The following DTNB variants were observed in gnomAD, a reference collection of about 807,000 sequenced individuals.
DTNB encodes the protein dystrobrevin beta.
Under a neutral mutation model 90.7 loss-of-function variants are expected in DTNB, and 63 were observed. The ratio of observed to expected loss-of-function variants is 0.69; its 90% confidence interval spans 0.57 to 0.86. The LOEUF (loss-of-function observed/expected upper bound fraction) is 0.86, where lower values mean the gene tolerates loss of function less well. Among genes scored for constraint, DTNB ranks in the 40% least tolerant of loss-of-function variants. DTNB has a pLI of 0.00. For synonymous variants in DTNB, 277 were observed against 286.7 expected (o/e 0.97, Z 0.34); for missense variants, 744 against 807.1 (o/e 0.92, Z 0.95).
intron 18 of DTNB, among the ~76,000 whole-genome samples, chr2:25,386,674 A>C (rs191996052): frequency 4.6e-5 from 7 of 152,310 alleles, no homozygotes; most frequent in Non-Finnish European, 1.0e-4. Flanking sequence ...GCCACGAGGT[A>C]AAGGTCTTTG....
chr2:25,385,805 C>T (rs2039314183), intron 18 of DTNB, among the ~76,000 whole-genome samples: 1 of 152,190 alleles, frequency 6.6e-6, no homozygotes. Flanking sequence ...TTTTGTGAAG[C>T]TATTTGGTCT....
At position 25,556,841 on chromosome 2, in the gene DTNB, A is replaced by G. The variant is rs867067357; in HGVS notation, c.876+19997T>C. On this transcript the variant is annotated intron_variant, in intron 8 of 20. Coordinates refer to ENST00000406818, the MANE Select transcript of DTNB (RefSeq NM_021907.5). ...CTAGAATCGCAGATTCAAAAACATA[A>G]AACTAAGAAAATATAGTGTATTAGG... 7.2e-5 allele frequency among the ~76,000 whole-genome samples: 11 copies of G among 152,312 alleles called. No homozygotes were observed. In the South Asian group the frequency reaches 2.1e-3, roughly 29 times the overall value.
chr2:25,574,205 T>C (rs1260674112), intron 8 of DTNB, among the ~76,000 whole-genome samples: 1 of 152,196 alleles, frequency 6.6e-6, no homozygotes, highest in Non-Finnish European at 1.5e-5. Context: ...TTCACACTCA[T>C]TAAAACTTAA....
intron 20 of DTNB, among the ~76,000 whole-genome samples, chr2:25,378,579 G>T (rs1446614867): frequency 2.0e-5 from 3 of 152,106 alleles, no homozygotes; most frequent in Admixed American, 2.0e-4. Flanking sequence ...AGAGGTGGGG[G>T]GGTGGGAGGA....
intron 8 of DTNB, among the ~76,000 whole-genome samples, chr2:25,532,401 TA>T (rs2078407477): frequency 6.6e-6 from 1 of 152,168 alleles, no homozygotes; most frequent in Non-Finnish European, 1.5e-5. Flanking sequence ...CATTTGATAT[TA>T]GGGGTCTGGT....
At chr2:25,457,309 C>T (rs530821649) in intron 10 of DTNB, among the ~76,000 whole-genome samples, 2 of 152,234 alleles carry the variant, frequency 1.3e-5, no homozygotes, top group South Asian at 4.2e-4. Context: ...TGTGCCTGGC[C>T]CTGTAGTTTT....
chr2:25,666,963 T>C (rs1046246431), intron 1 of DTNB, among the ~76,000 whole-genome samples: 3 of 151,974 alleles, frequency 2.0e-5, no homozygotes, highest in African/African-American at 4.8e-5. Context: ...AGTGGGAAGA[T>C]ATAAACAGCC....
chr2:25,561,449 C>A (rs376040074), intron 8 of DTNB, among the ~76,000 whole-genome samples: 14 of 152,260 alleles, frequency 9.2e-5, no homozygotes, highest in South Asian at 8.3e-4. Flanking sequence ...GAAAGGCTTT[C>A]CCTAGCCATC....
intron 16 of DTNB, among the ~76,000 whole-genome samples, chr2:25,392,911 C>T (rs1016327807): frequency 6.6e-6 from 1 of 152,092 alleles, no homozygotes; most frequent in Admixed American, 6.5e-5. Context: ...CAGTATAACC[C>T]TAATACCAAA....
chr2:25,405,608 G>T lies in DTNB; in HGVS notation c.1575+13907C>A, dbSNP rs377028934. 8.1e-4 allele frequency among the ~76,000 whole-genome samples: 119 copies of T among 146,042 alleles called. 1 individual carries two copies. In the East Asian group the frequency reaches 0.017, roughly 20 times the overall value. ...CAGTTTTGCTTTTTGTTTTGTTGTTGTTTTTTTTTTCAACAGACCATGAGC... is the reference window on the plus strand; with the variant it reads ...CAGTTTTGCTTTTTGTTTTGTTGTTTTTTTTTTTTTCAACAGACCATGAGC... On this transcript the variant is annotated intron_variant, in intron 16 of 20. Coordinates refer to ENST00000406818, the MANE Select transcript of DTNB (RefSeq NM_021907.5).
At chr2:25,432,474 G>A (rs548024939) in intron 14 of DTNB, among the ~76,000 whole-genome samples, 3 of 152,214 alleles carry the variant, frequency 2.0e-5, no homozygotes, top group East Asian at 3.9e-4. Flanking sequence ...CTTCTCCTTC[G>A]GCAGAGCCCT....
intron 16 of DTNB, among the ~76,000 whole-genome samples, chr2:25,404,492 A>C (rs2044543993): frequency 6.6e-6 from 1 of 152,132 alleles, no homozygotes; most frequent in Non-Finnish European, 1.5e-5. Context: ...GACCTGTAGC[A>C]GGAAAGGAGA....
chr2:25,480,325 G>A (rs545682962), intron 10 of DTNB, among the ~76,000 whole-genome samples: 60 of 152,248 alleles, frequency 3.9e-4, no homozygotes, highest in Non-Finnish European at 7.6e-4. Context: ...CAAAGTTTAC[G>A]ATAACCACCT....
chr2:25,607,172 A>T, intron 5 of DTNB, 64 bp downstream of exon 5: 1 of 1,498,530 alleles, frequency 6.7e-7, no homozygotes, highest in Admixed American at 2.0e-5. Context: ...CAAAATTCTG[A>T]CAATATTCAT....
chr2:25,414,633 G>T (rs571312009), intron 16 of DTNB, among the ~76,000 whole-genome samples: 1 of 152,232 alleles, frequency 6.6e-6, no homozygotes, highest in Non-Finnish European at 1.5e-5. Flanking sequence ...CAAAATCACT[G>T]CTATAGGTAC....
intron 8 of DTNB, among the ~76,000 whole-genome samples, chr2:25,575,222 T>TA (rs1265848766): frequency 6.7e-6 from 1 of 148,996 alleles, no homozygotes; most frequent in African/African-American, 2.5e-5. Flanking sequence ...TGTAAAGAAT[T>TA]AGACTCTACA....
At chr2:25,546,032 A>G (rs1272394406) in intron 8 of DTNB, among the ~76,000 whole-genome samples, 1 of 152,236 alleles carries the variant, frequency 6.6e-6, no homozygotes, top group Non-Finnish European at 1.5e-5. Context: ...TTTGCTGGCT[A>G]GAGGTCACAC....
At chr2:25,625,029 T>G (rs2073809756) in intron 4 of DTNB, among the ~76,000 whole-genome samples, 1 of 152,258 alleles carries the variant, frequency 6.6e-6, no homozygotes, top group African/African-American at 2.4e-5. Context: ...GGAAAAGTCT[T>G]AGATCCTATT....
intron 1 of DTNB, among the ~76,000 whole-genome samples, chr2:25,655,443 T>G (rs2081885232): frequency 6.6e-6 from 1 of 151,628 alleles, no homozygotes; most frequent in African/African-American, 2.4e-5. Flanking sequence ...ACCAACACAG[T>G]ATGATATGAT....
Sources: allele counts gnomAD v4.1 joint callset (sites outside exome capture counted in the v4.1 genomes callset), GRCh38; gene constraint gnomAD v4.1.1; transcripts MANE v1.5; gene names NCBI Gene and HGNC (gene_info 2026-07-23, HGNC 2026-07-21).